Variants in HP1BP3 observed in about 807,000 individuals in gnomAD.
HP1BP3 encodes heterochromatin protein 1 binding protein 3, also known as heterochromatin protein 1-binding protein 3.
A neutral mutation model predicts 62.5 loss-of-function variants in HP1BP3; 12 were observed. The ratio of observed to expected loss-of-function variants is 0.19; its 90% CI spans 0.12 to 0.31. The LOEUF (loss-of-function observed/expected upper bound fraction) is 0.31. Ranked by LOEUF, HP1BP3 falls within the 10% of genes least tolerant of loss-of-function variation. The pLI, the probability that HP1BP3 is intolerant of heterozygous loss-of-function variation, is 1.00. For synonymous variants in HP1BP3, 260 were observed against 237.8 expected (o/e 1.09, Z -0.86); for missense variants, 502 against 651.8 (o/e 0.77, Z 2.50).
intron 4 of HP1BP3, chr1:20,775,530 ACT>A (rs2057266417): frequency 6.5e-6 from 1 of 153,350 alleles, no homozygotes; most frequent in Non-Finnish European, 1.5e-5. Context: ...AAAAATAAAA[ACT>A]TTTTAGTTTT....
chr1:20,783,030 A>G (rs953560902), intron 1 of HP1BP3, among the ~76,000 whole-genome samples: 2 of 148,394 alleles, frequency 1.3e-5, no homozygotes, highest in African/African-American at 2.5e-5. Context: ...GAGGACTGCC[A>G]GTGTCCAGGA....
intron 4 of HP1BP3, chr1:20,774,075 A>G (rs2057182895): frequency 6.6e-6 from 1 of 152,578 alleles, no homozygotes; most frequent in Non-Finnish European, 1.5e-5. Flanking sequence ...AGAACCAACT[A>G]TTTCCCAAGG....
intron 1 of HP1BP3, among the ~76,000 whole-genome samples, chr1:20,785,218 T>G (rs1025085371): frequency 6.6e-6 from 1 of 152,236 alleles, no homozygotes; most frequent in Non-Finnish European, 1.5e-5. Flanking sequence ...GGCTTTAAAT[T>G]ATTTGAATGC....
intron 3 of HP1BP3, among the ~76,000 whole-genome samples, chr1:20,778,629 G>A (rs188520550): frequency 4.3e-4 from 65 of 151,694 alleles, no homozygotes; most frequent in African/African-American, 1.6e-3. Context: ...TTGGATTCCC[G>A]TGTTTCTTAA....
At chr1:20,757,375 T>TTA (rs1557647633) in intron 8 of HP1BP3, 119 bp from the exon 9 acceptor site, 12 of 231,192 alleles carry the variant, frequency 5.2e-5, no homozygotes, top group African/African-American at 1.6e-4. Context: ...TATTATTATT[T>TTA]TTTTTTTTTT....
intron 1 of HP1BP3, among the ~76,000 whole-genome samples, chr1:20,781,539 T>C (rs908475794): frequency 3.3e-5 from 5 of 152,262 alleles, no homozygotes; most frequent in African/African-American, 1.2e-4. Flanking sequence ...GTCAGTCAGC[T>C]GCAAGGAAAT....
chr1:20,776,781 G>A (rs1203196628), intron 3 of HP1BP3, 31 bp from the exon 4 acceptor site: 6 of 1,593,500 alleles, frequency 3.8e-6, no homozygotes, highest in Admixed American at 3.5e-5. Context: ...AATTGCATAA[G>A]CAGATGTATT....
chr1:20,784,578 G>A (rs1258678331), intron 1 of HP1BP3, among the ~76,000 whole-genome samples: 15 of 145,026 alleles, frequency 1.0e-4, no homozygotes, highest in Admixed American at 8.6e-4. Flanking sequence ...CCCGGTTCAC[G>A]CCATTCTCCT....
chr1:20,776,536 T>C, intron 4 of HP1BP3, 61 bp downstream of exon 4: 5 of 1,428,090 alleles, frequency 3.5e-6, no homozygotes, highest in Non-Finnish European at 4.8e-6. Flanking sequence ...TAAAACAATC[T>C]AATCTAAAGT....
chr1:20,746,325 T>A (rs1017313773), intron 11 of HP1BP3, among the ~76,000 whole-genome samples: 2 of 151,760 alleles, frequency 1.3e-5, no homozygotes, highest in African/African-American at 4.8e-5. Flanking sequence ...TCCCAAGTAG[T>A]TAGGACTACA....
intron 4 of HP1BP3, chr1:20,775,773 G>C (rs1570660264): frequency 4.1e-6 from 2 of 487,616 alleles, no homozygotes. Flanking sequence ...ATGCTGTACA[G>C]GTTTGTAGCC....
chr1:20,770,453 C>A (rs192050281), intron 6 of HP1BP3, among the ~76,000 whole-genome samples: 282 of 152,218 alleles, frequency 1.9e-3, no homozygotes, highest in African/African-American at 6.4e-3. Context: ...GTACCTGGGA[C>A]TAGAGGCATG....
chr1:20,750,814 C>T (rs372230160), intron 9 of HP1BP3, among the ~76,000 whole-genome samples: 36 of 107,080 alleles, frequency 3.4e-4, no homozygotes, highest in Non-Finnish European at 4.3e-4. Context: ...TATATTTTCT[C>T]TCTTTTTTTT....
intron 11 of HP1BP3, among the ~76,000 whole-genome samples, chr1:20,747,279 AAC>A (rs1355614947): frequency 3.3e-5 from 5 of 151,796 alleles, no homozygotes; most frequent in Non-Finnish European, 5.9e-5. Context: ...TTTTTTTTTC[AAC>A]CAGACACAGA....
chr1:20,765,551 A>G lies in HP1BP3; in HGVS notation c.736-20T>C. 6.3e-7 allele frequency: 1 copy of G among 1,595,496 alleles called. No homozygotes were observed. Among genetic ancestry groups the G allele is most frequent in the Non-Finnish European group, 8.6e-7 (1 of 1,166,814 alleles). ...CCTATTCTGAAAAGTAATTATCAAAAATTATGATCATTATAGAACGTAAAT... is the reference window on the plus strand; with the variant it reads ...CCTATTCTGAAAAGTAATTATCAAAGATTATGATCATTATAGAACGTAAAT... On this transcript the variant is annotated intron_variant, in intron 7 of 12. Transcript: ENST00000438032.
At chr1:20,754,670 A>T (rs954253092) in intron 9 of HP1BP3, among the ~76,000 whole-genome samples, 1 of 152,116 alleles carries the variant, frequency 6.6e-6, no homozygotes, top group Non-Finnish European at 1.5e-5. Context: ...CCGGAAATAA[A>T]CCCTTATATT....
chr1:20,756,312 A>G (rs2056103913), intron 9 of HP1BP3, among the ~76,000 whole-genome samples: 1 of 152,200 alleles, frequency 6.6e-6, no homozygotes. Context: ...TAAGTAACCC[A>G]AAATAAACTG....
intron 3 of HP1BP3, among the ~76,000 whole-genome samples, chr1:20,779,259 C>CT (rs2057437698): frequency 6.6e-6 from 1 of 152,038 alleles, no homozygotes; most frequent in East Asian, 1.9e-4. Context: ...AAAATAAAGA[C>CT]GGGAAAAGGA....
rs2056355446 is a variant in HP1BP3 at position 20,759,841 on chromosome 1, C to T, written c.891-2585G>A. ...AGAGGAGTAGCTTAGGTCAGAGATACAAGTGAGTGTAGTGCCTTGTGGGCC... is the reference window on the plus strand; with the variant it reads ...AGAGGAGTAGCTTAGGTCAGAGATATAAGTGAGTGTAGTGCCTTGTGGGCC... On this transcript the variant is annotated intron_variant, in intron 8 of 12. Coordinates refer to ENST00000438032, the MANE Select transcript of HP1BP3 (RefSeq NM_001372052.1). Among the ~76,000 whole-genome samples, 5 of 148,968 alleles carry T rather than the reference C, an allele frequency of 3.4e-5. No homozygotes were observed. In the South Asian group the frequency reaches 1.1e-3, roughly 31 times the overall value.
Sources: allele counts gnomAD v4.1 joint callset (sites outside exome capture counted in the v4.1 genomes callset), GRCh38; gene constraint gnomAD v4.1.1; transcripts MANE v1.5; gene names NCBI Gene and HGNC (gene_info 2026-07-23, HGNC 2026-07-21).